Variants in ARAP2 observed in about 807,000 individuals in gnomAD.
ARAP2 encodes ArfGAP with RhoGAP domain, ankyrin repeat and PH domain 2.
Under a neutral mutation model 194.5 loss-of-function variants are expected in ARAP2, and 148 were observed. The ratio of observed to expected loss-of-function variants is 0.76; its 90% CI spans 0.67 to 0.87. The LOEUF (loss-of-function observed/expected upper bound fraction) is 0.87. Ranked by LOEUF, ARAP2 falls within the 40% of genes least tolerant of loss-of-function variation. ARAP2 has a pLI of 0.00. For missense variants in ARAP2, 2,128 were observed against 1,989.7 expected, an observed-to-expected ratio of 1.07 and a Z score of -1.32; for synonymous variants, 695 against 683.5, an observed-to-expected ratio of 1.02 and a Z score of -0.26.
chr4:36,158,838 C>T lies in ARAP2; in HGVS notation c.2644G>A (p.Glu882Lys), dbSNP rs369275985. The T allele has an allele frequency of 2.5e-5, 40 of 1,602,536 alleles. 1 individual carries two copies. The South Asian group carries it at 3.6e-4, about 14-fold the overall frequency. ...GAAGACTCTTGACTTAATACACCCT[C>T]GGAATGAATATCATGTTGAGGGAAA... ...SDFPQHDIHS[E>K]GVLSQESSQS... Residue 882 changes from glutamate to lysine, a missense_variant, in exon 15 of 33, where the codon GAG becomes AAG. Transcript: ENST00000303965.
At chr4:36,126,529 C>T (rs1397329717) in intron 21 of ARAP2, among the ~76,000 whole-genome samples, 4 of 151,930 alleles carry the variant, frequency 2.6e-5, no homozygotes, top group African/African-American at 9.7e-5. Context: ...CATTCTCTAC[C>T]TCAGGTATAC....
rs1320980430 is a variant in ARAP2, at chr4:36,196,338, G to T, written c.1488-2691C>A. ...GAGGGAGGGCCGATAGCTTACTCATGTGTTAGGCTTAAGGATCAGTCGAAG... is the reference window on the plus strand; with the variant it reads ...GAGGGAGGGCCGATAGCTTACTCATTTGTTAGGCTTAAGGATCAGTCGAAG... On this transcript the variant is annotated intron_variant, in intron 6 of 32. Coordinates refer to ENST00000303965, the MANE Select transcript of ARAP2 (RefSeq NM_015230.4). Among the ~76,000 whole-genome samples the T allele has an allele frequency of 2.0e-5, 3 of 152,138 alleles. No individual in the cohort carries two copies. In the East Asian group the frequency reaches 5.8e-4, roughly 29 times the overall value.
At position 36,161,457 on chromosome 4, in the gene ARAP2, G is replaced by A; in HGVS notation, c.2259+8C>T. 1 of 1,611,250 alleles carries A rather than the reference G, an allele frequency of 6.2e-7. No individual in the cohort carries two copies. The highest frequency in any genetic ancestry group is 8.5e-7 in the Non-Finnish European group (1 of 1,177,662). On this transcript the variant is annotated splice_region_variant and intron_variant, in intron 12 of 32. Transcript: ENST00000303965. ...ATCACAACCCCATTCAGGTTAAATA[G>A]GACTCACCTCGATGAGTTCATTGCT...
At chr4:36,144,159 G>GT (rs1246123281) in intron 19 of ARAP2, among the ~76,000 whole-genome samples, 1 of 151,144 alleles carries the variant, frequency 6.6e-6, no homozygotes, top group East Asian at 1.9e-4. Context: ...TACTCCATAG[G>GT]TTAAAAAAAA....
intron 9 of ARAP2, among the ~76,000 whole-genome samples, chr4:36,176,059 T>G (rs986887362): frequency 2.6e-5 from 4 of 152,182 alleles, no homozygotes; most frequent in African/African-American, 9.6e-5. Context: ...CCTTAGGCTA[T>G]TTCTAAAAGT....
At chr4:36,208,475 A>C (rs943142512) in intron 6 of ARAP2, among the ~76,000 whole-genome samples, 20 of 152,192 alleles carry the variant, frequency 1.3e-4, no homozygotes, top group African/African-American at 4.6e-4. Context: ...GTTTGTTGAC[A>C]CCTGCTATAT....
chr4:36,189,186 C>A (rs1241002041), intron 7 of ARAP2, among the ~76,000 whole-genome samples: 1 of 152,152 alleles, frequency 6.6e-6, no homozygotes, highest in Non-Finnish European at 1.5e-5. Context: ...ACTTAGTAAA[C>A]AACTTATTTC....
At chr4:36,205,034 CA>C (rs1264264259) in intron 6 of ARAP2, among the ~76,000 whole-genome samples, 1 of 89,374 alleles carries the variant, frequency 1.1e-5, no homozygotes, top group African/African-American at 4.5e-5. Flanking sequence ...ATCAAGCAAA[CA>C]AAAAAATCAA....
At chr4:36,100,735 G>A (rs547373482) in intron 27 of ARAP2, among the ~76,000 whole-genome samples, 2 of 151,986 alleles carry the variant, frequency 1.3e-5, no homozygotes, top group Admixed American at 6.6e-5. Context: ...CTGCTTGAAA[G>A]TATGTTACTT....
intron 28 of ARAP2, among the ~76,000 whole-genome samples, chr4:36,086,949 C>T (rs536283775): frequency 6.6e-6 from 1 of 152,156 alleles, no homozygotes; most frequent in African/African-American, 2.4e-5. Flanking sequence ...TGTATTACCC[C>T]AATTTGTTTT....
chr4:36,133,433 A>T (rs1399886459), intron 19 of ARAP2, 44 bp from the exon 20 acceptor site: 2 of 1,495,000 alleles, frequency 1.3e-6, no homozygotes, highest in Non-Finnish European at 1.8e-6. Context: ...TTTGCTCTTT[A>T]AAAAAAAATC....
intron 27 of ARAP2, among the ~76,000 whole-genome samples, chr4:36,105,992 G>T (rs1164062718): frequency 6.6e-6 from 1 of 151,950 alleles, no homozygotes; most frequent in Non-Finnish European, 1.5e-5. Flanking sequence ...TAAAGAATTA[G>T]AACAGATATC....
chr4:36,152,673 T>TA (rs5857475), intron 15 of ARAP2, among the ~76,000 whole-genome samples: 92,110 of 148,440 alleles, frequency 0.62, 28,866 homozygotes, highest in African/African-American at 0.75. Flanking sequence ...ACTGAAGTGA[T>TA]AAAAAAAAAA....
At chr4:36,016,682 T>A (rs1715865266) in intron 6 of ARAP2, among the ~76,000 whole-genome samples, 1 of 152,162 alleles carries the variant, frequency 6.6e-6, no homozygotes, top group South Asian at 2.1e-4. Context: ...TTGATACTCT[T>A]TTAATTTTTA....
chr4:36,109,812 A>G (rs986921832), intron 26 of ARAP2, among the ~76,000 whole-genome samples: 1 of 151,176 alleles, frequency 6.6e-6, no homozygotes, highest in Non-Finnish European at 1.5e-5. Context: ...TGCTGCACCC[A>G]TTAACTCATC....
chr4:36,186,978 A>G lies in ARAP2; in HGVS notation c.1678+473T>C, dbSNP rs563698417. Among the ~76,000 whole-genome samples the G allele has an allele frequency of 2.0e-5, 3 of 152,358 alleles. No individual in the cohort carries two copies. In the East Asian group the frequency reaches 5.8e-4, roughly 29 times the overall value. On this transcript the variant is annotated intron_variant, in intron 8 of 32. Coordinates refer to ENST00000303965, the MANE Select transcript of ARAP2 (RefSeq NM_015230.4). Reference sequence around the variant, plus strand: ...AATGTGCTTCAGTCATCCAGGAACCATCTCCCCACCACCGGTTCATGGAAA... The same window carrying G: ...AATGTGCTTCAGTCATCCAGGAACCGTCTCCCCACCACCGGTTCATGGAAA...
chr4:36,180,802 T>C (rs185556813), intron 8 of ARAP2, among the ~76,000 whole-genome samples: 78 of 152,310 alleles, frequency 5.1e-4, no homozygotes, highest in African/African-American at 1.7e-3. Context: ...ATTATCTAGC[T>C]CCTGAGGGAC....
intron 28 of ARAP2, among the ~76,000 whole-genome samples, chr4:36,086,789 A>G (rs549905904): frequency 6.6e-6 from 1 of 152,256 alleles, no homozygotes; most frequent in South Asian, 2.1e-4. Flanking sequence ...ACTTTTAATG[A>G]TCCCCTTTAC....
In ARAP2 at chr4:36,153,987, G is replaced by A. The variant is rs369747976; in HGVS notation, c.2753-2943C>T. 7.2e-5 allele frequency among the ~76,000 whole-genome samples: 11 copies of A among 152,232 alleles called. No individual in the cohort carries two copies. In the South Asian group the frequency reaches 2.3e-3, roughly 32 times the overall value. ...GTCACACTAAGTATTTAGCATCAGAGCTGGGGAAGGAACTCCATGCAATTG... is the reference window on the plus strand; with the variant it reads ...GTCACACTAAGTATTTAGCATCAGAACTGGGGAAGGAACTCCATGCAATTG... On this transcript the variant is annotated intron_variant, in intron 15 of 32. Transcript: ENST00000303965.
Sources: allele counts gnomAD v4.1 joint callset (sites outside exome capture counted in the v4.1 genomes callset), GRCh38; gene constraint gnomAD v4.1.1; transcripts MANE v1.5; gene names NCBI Gene and HGNC (gene_info 2026-07-23, HGNC 2026-07-21).